CFAP52: variants seen among roughly 807,000 people sequenced by gnomAD.
CFAP52 encodes the protein cilia and flagella associated protein 52.
Under a neutral mutation model 70.5 loss-of-function variants are expected in CFAP52, and 57 were observed. The ratio of observed to expected loss-of-function variants is 0.81; its 90% CI spans 0.65 to 1.01. CFAP52 has a LOEUF of 1.01. Among genes scored for constraint, CFAP52 ranks in the 50% least tolerant of loss-of-function variants. The probability of loss-of-function intolerance (pLI) is 0.00; values close to 1 mark genes in which losing one functional copy is unlikely to be tolerated. For missense variants in CFAP52, 785 were observed against 788.5 expected (o/e 1.00, Z 0.05); for synonymous variants, 267 against 292.5 (o/e 0.91, Z 0.89).
At chr17:9,632,488 T>C (rs375721567) in intron 9 of CFAP52, among the ~76,000 whole-genome samples, 4 of 151,470 alleles carry the variant, frequency 2.6e-5, no homozygotes, top group African/African-American at 9.7e-5. Flanking sequence ...TAAGCAAGAG[T>C]GGAAGCAAGC....
At chr17:9,626,925 A>G (rs1308689601) in intron 8 of CFAP52, among the ~76,000 whole-genome samples, 1 of 152,214 alleles carries the variant, frequency 6.6e-6, no homozygotes, top group Non-Finnish European at 1.5e-5. Context: ...GAAAAAATGT[A>G]GACATTGCTT....
intron 9 of CFAP52, among the ~76,000 whole-genome samples, chr17:9,631,037 AGAGAGAGAGAGAGAG>A (rs1910485849): frequency 5.0e-5 from 4 of 79,434 alleles, no homozygotes; most frequent in African/African-American, 2.4e-4. Flanking sequence ...AAAGAGAGAG[AGAGAGAGAGAGAGAG>A]AGAAAGAAAG....
intron 11 of CFAP52, among the ~76,000 whole-genome samples, chr17:9,635,970 C>G (rs934810979): frequency 4.0e-5 from 6 of 151,658 alleles, no homozygotes; most frequent in African/African-American, 1.5e-4. Context: ...GTCAGGAGTT[C>G]GAGACCAGCC....
At chr17:9,591,292 C>G (rs1010558038) in intron 3 of CFAP52, among the ~76,000 whole-genome samples, 3 of 152,106 alleles carry the variant, frequency 2.0e-5, no homozygotes, top group African/African-American at 7.2e-5. Flanking sequence ...CCCTCCTCGG[C>G]CTCCCAAAGT....
At chr17:9,640,953 G>C (rs111478468) in intron 12 of CFAP52, among the ~76,000 whole-genome samples, 362 of 152,200 alleles carry the variant, frequency 2.4e-3, no homozygotes, top group African/African-American at 8.2e-3. Context: ...TGGCCGTATC[G>C]CATTTTCTTT....
At chr17:9,596,209 C>T (rs1412718452) in intron 4 of CFAP52, among the ~76,000 whole-genome samples, 2 of 151,016 alleles carry the variant, frequency 1.3e-5, no homozygotes, top group Non-Finnish European at 2.9e-5. Flanking sequence ...AAATGATTCT[C>T]CTGCCTCAGC....
At chr17:9,623,001 T>A (rs1910107231) in intron 8 of CFAP52, among the ~76,000 whole-genome samples, 1 of 152,218 alleles carries the variant, frequency 6.6e-6, no homozygotes, top group South Asian at 2.1e-4. Context: ...CTTCTTCTCC[T>A]TATTGATTTT....
chr17:9,610,622 C>T (rs999770258), intron 7 of CFAP52, among the ~76,000 whole-genome samples: 5 of 152,052 alleles, frequency 3.3e-5, no homozygotes, highest in African/African-American at 1.2e-4. Context: ...GCAACCTCCG[C>T]CTCCCGGGTT....
chr17:9,636,253 G>GAAAGAAAGAAAGAAAGAAAGAA (rs1567637277), intron 11 of CFAP52, among the ~76,000 whole-genome samples: 4 of 107,684 alleles, frequency 3.7e-5, no homozygotes, highest in Non-Finnish European at 5.6e-5. Context: ...GAAAGAAAGA[G>GAAAGAAAGAAAGAAAGAAAGAA]AAAGAAAAAT....
chr17:9,642,748 C>G (rs75742456), intron 13 of CFAP52, among the ~76,000 whole-genome samples: 1,874 of 152,192 alleles, frequency 0.012, 44 homozygotes, highest in African/African-American at 0.043. Flanking sequence ...TATATGTATA[C>G]CAGTATACTT....
At chr17:9,645,355 G>T, downstream of CFAP52, 1 of 241,534 alleles carries the variant, frequency 4.1e-6, no homozygotes, top group Non-Finnish European at 7.9e-6. The surrounding 1 kb of genome is among the most constrained non-coding windows in gnomAD (Gnocchi z 6.8). Context: ...AAGGAAGGGT[G>T]GGGAATCCGA....
At chr17:9,641,386 A>C (rs956275428) in intron 12 of CFAP52, among the ~76,000 whole-genome samples, 1 of 152,164 alleles carries the variant, frequency 6.6e-6, no homozygotes, top group African/African-American at 2.4e-5. Context: ...TCCTCCCTCC[A>C]GGCCTGAAGC....
Position 9,641,851 on chromosome 17 carries a change from G to A in CFAP52, c.1687+16G>A, listed in dbSNP as rs1299095139. ...TTTGTCACAGGTTAGTCCTGGGATA[G>A]GAAAAAGCCAAGCCTGGCTTATTTA... On this transcript the variant is annotated intron_variant, in intron 13 of 13. Transcript: ENST00000352665. 1.2e-6 allele frequency: 2 copies of A among 1,606,226 alleles called. No homozygotes were observed. Among genetic ancestry groups the A allele is most frequent in the African/African-American group, 1.3e-5 (1 of 74,748 alleles).
Position 9,600,198 on chromosome 17 carries a change from T to C in CFAP52, c.753+15T>C. On this transcript the variant is annotated intron_variant, in intron 6 of 13. Transcript: ENST00000352665. ...AATTCAGTTTGGTGAGTAGAGACCA[T>C]CGCCACTGCCCTGCCATTTTTCTCC... is the stretch of plus-strand genomic sequence containing the variant. 1 of 1,603,660 alleles carries C rather than the reference T, an allele frequency of 6.2e-7. No homozygotes were observed. The highest frequency in any genetic ancestry group is 8.5e-7 in the Non-Finnish European group (1 of 1,170,672).
chr17:9,645,429 C>T, downstream of CFAP52: 1 of 340,590 alleles, frequency 2.9e-6, no homozygotes, highest in South Asian at 1.4e-4. The surrounding 1 kb of genome is among the most constrained non-coding windows in gnomAD (Gnocchi z 6.8). Context: ...TGGCCCGGCG[C>T]TGCCCTGGAG....
intron 6 of CFAP52, among the ~76,000 whole-genome samples, chr17:9,603,455 C>G (rs377764878): frequency 6.6e-6 from 1 of 152,308 alleles, no homozygotes; most frequent in South Asian, 2.1e-4. Context: ...GTGATCCACC[C>G]GCCTCGGCCT....
chr17:9,603,476 T>C (rs1398851980), intron 6 of CFAP52, among the ~76,000 whole-genome samples: 1 of 152,230 alleles, frequency 6.6e-6, no homozygotes, highest in Non-Finnish European at 1.5e-5. Context: ...CCCAAAGTGC[T>C]GGGATTACAG....
At chr17:9,622,128 C>T (rs1299336441) in intron 8 of CFAP52, among the ~76,000 whole-genome samples, 3 of 152,174 alleles carry the variant, frequency 2.0e-5, no homozygotes, top group Non-Finnish European at 4.4e-5. Flanking sequence ...TCCACCATGT[C>T]CTGTGTTGAA....
At chr17:9,598,500 G>C in intron 5 of CFAP52, 167 bp downstream of exon 5, 2 of 502,376 alleles carry the variant, frequency 4.0e-6, no homozygotes, top group African/African-American at 2.0e-5. Flanking sequence ...AGTGGCTCAC[G>C]CCTGTAATCC....
Sources: allele counts gnomAD v4.1 joint callset (sites outside exome capture counted in the v4.1 genomes callset), GRCh38; gene constraint gnomAD v4.1.1; non-coding constraint Gnocchi (gnomAD v3.1); transcripts MANE v1.5; gene names NCBI Gene and HGNC (gene_info 2026-07-23, HGNC 2026-07-21).